RFC2: variants seen among roughly 807,000 people sequenced by gnomAD.
RFC2 encodes replication factor C subunit 2.
In RFC2, 34 loss-of-function variants were observed where a neutral mutation model predicts 44.8. That is an observed-to-expected ratio of 0.76 (90% confidence interval 0.58 to 1.01). The LOEUF (loss-of-function observed/expected upper bound fraction) is 1.01. Among genes scored for constraint, RFC2 ranks in the 50% least tolerant of loss-of-function variants. The probability of loss-of-function intolerance (pLI) is 0.00; values close to 1 mark genes in which losing one functional copy is unlikely to be tolerated. For synonymous variants in RFC2, 177 were observed against 168.9 expected, an observed-to-expected ratio of 1.05 and a Z score of -0.37; for missense variants, 400 against 453.6, an observed-to-expected ratio of 0.88 and a Z score of 1.07.
chr7:74,239,055 G>C (rs370067567), intron 7 of RFC2, 67 bp from the exon 8 acceptor site: 1 of 1,276,192 alleles, frequency 7.8e-7, no homozygotes, highest in South Asian at 1.2e-5. Flanking sequence ...AGAGACAGGA[G>C]TCTCGCTATG....
At chr7:74,235,715 A>G in intron 9 of RFC2, 70 bp from the exon 10 acceptor site, 2 of 1,065,694 alleles carry the variant, frequency 1.9e-6, no homozygotes, top group Admixed American at 3.4e-5. Flanking sequence ...TTTGAGACTC[A>G]CCACAGCTGG....
At chr7:74,245,148 G>T (rs1172863861) in intron 5 of RFC2, among the ~76,000 whole-genome samples, 1 of 151,172 alleles carries the variant, frequency 6.6e-6, no homozygotes, top group Non-Finnish European at 1.5e-5. Context: ...TCCTGCCTCA[G>T]CCTCCCAAGT....
chr7:74,250,934 G>A (rs782273475), intron 2 of RFC2, among the ~76,000 whole-genome samples: 3 of 151,906 alleles, frequency 2.0e-5, no homozygotes, highest in Admixed American at 6.6e-5. Context: ...GATTACAGAC[G>A]CCCACCACCA....
At chr7:74,248,908 G>C in intron 4 of RFC2, 104 bp downstream of exon 4, 1 of 774,170 alleles carries the variant, frequency 1.3e-6, no homozygotes, top group East Asian at 2.5e-5. Context: ...AAATCACATA[G>C]CTGGCAAGGC....
intron 10 of RFC2, chr7:74,233,817 T>C (rs1554717705): frequency 8.8e-6 from 4 of 456,408 alleles, no homozygotes; most frequent in African/African-American, 4.0e-5. Context: ...CTCCATGTGG[T>C]GGCTAGGTTG....
At chr7:74,235,677 C>T in intron 9 of RFC2, 32 bp from the exon 10 acceptor site, 1 of 1,406,016 alleles carries the variant, frequency 7.1e-7, no homozygotes, top group Non-Finnish European at 1.0e-6. Context: ...GGCTGCTTAC[C>T]ACTTTAAACT....
chr7:74,249,663 G>A (rs1267112028), intron 3 of RFC2, 76 bp downstream of exon 3: 2 of 1,236,304 alleles, frequency 1.6e-6, no homozygotes, highest in Admixed American at 3.4e-5. Flanking sequence ...AGGCAGCGCT[G>A]TGCACAAGAA....
chr7:74,253,634 T>G (rs993362884), intron 1 of RFC2: 1 of 153,508 alleles, frequency 6.5e-6, no homozygotes, highest in Non-Finnish European at 1.5e-5. Flanking sequence ...TGAGGCAGAA[T>G]TGATTGAACC....
rs1803244670 is a variant in RFC2 at position 74,240,091 on chromosome 7, G to A, written c.540C>T (p.Pro180=). 12 of 1,613,736 alleles carry A rather than the reference G, an allele frequency of 7.4e-6. No homozygotes were observed. The highest frequency in any genetic ancestry group is 1.0e-5 in the Non-Finnish European group (12 of 1,179,778). ...GGAGGACTGCACAGCGGGACTGAAT[G>A]GGCTCTGAACAGAGACGGGACAGTA... ...ACNASDKIIE[P]IQSRCAVLRY... is the part of the protein sequence containing the mutation. The change falls in exon 7 of 11, where the codon CCC becomes CCT. Residue 180 remains proline (P), a synonymous_variant. Transcript: ENST00000055077.
At chr7:74,239,073 G>A (rs1438380906) in intron 7 of RFC2, 85 bp from the exon 8 acceptor site, 6 of 1,117,654 alleles carry the variant, frequency 5.4e-6, no homozygotes, top group Non-Finnish European at 6.6e-6. Context: ...ATGTTGCCCA[G>A]GCTGGTCTCG....
intron 6 of RFC2, 123 bp from the exon 7 acceptor site, chr7:74,240,218 G>A: frequency 1.2e-6 from 1 of 838,098 alleles, no homozygotes; most frequent in Non-Finnish European, 1.8e-6. Context: ...TAGAGACTTG[G>A]TAGGCCGGAC....
At chr7:74,249,357 A>G in intron 3 of RFC2, 2 of 578,824 alleles carry the variant, frequency 3.5e-6, no homozygotes, top group South Asian at 2.0e-5. Flanking sequence ...ACTGGCCAAC[A>G]TGGCGAAACC....
chr7:74,252,879 C>T (rs1351532993), intron 1 of RFC2, among the ~76,000 whole-genome samples: 1 of 152,126 alleles, frequency 6.6e-6, no homozygotes, highest in Non-Finnish European at 1.5e-5. Flanking sequence ...TTGCAGTGAG[C>T]TGAGATCATG....
At chr7:74,249,301 G>A in intron 3 of RFC2, 183 bp from the exon 4 acceptor site, 2 of 1,142,626 alleles carry the variant, frequency 1.8e-6, no homozygotes, top group South Asian at 1.4e-5. Context: ...AGCACTTTGG[G>A]AGGCCAAGGC....
At position 74,240,047 on chromosome 7, in the gene RFC2, T is replaced by C; in HGVS notation, c.584A>G (p.Asp195Gly). The C allele has an allele frequency of 6.2e-7, 1 of 1,614,030 alleles. No homozygotes were observed. The highest frequency in any genetic ancestry group is 8.5e-7 in the Non-Finnish European group (1 of 1,179,970). Residue 195 changes from aspartate (D) to glycine (G), a missense_variant, in exon 7 of 11, where the codon GAC becomes GGC. By Grantham distance (94) the Asp-to-Gly change is moderately conservative (BLOSUM62 -1). Coordinates refer to ENST00000055077, the MANE Select transcript of RFC2 (RefSeq NM_181471.3). ...CAVLRYTKLTDAQILTRLMNV... is the reference protein window; with the variant it reads ...CAVLRYTKLTGAQILTRLMNV... ...CATCAGCCTGGTGAGGATCTGGGCG[T>C]CGGTCAGCTTTGTGTACCGGAGGAC...
rs1339040328 is a variant in RFC2 at position 74,238,276 on chromosome 7, T to C, written c.759+647A>G. Among the ~76,000 whole-genome samples the C allele has an allele frequency of 1.3e-5, 2 of 152,140 alleles. No homozygotes were observed. The highest frequency in any genetic ancestry group is 2.4e-5 in the African/African-American group (1 of 41,438). ...TATAGGCTGAAAGCTTGGACAGCCC[T>C]TCCCAGTTTCTTCCCCCAAATAAGG... On this transcript the variant is annotated intron_variant, in intron 8 of 10. Transcript: ENST00000055077. This position sits in a 1 kb window ranked among gnomAD's most constrained non-coding sequence, Gnocchi z 4.0.
At chr7:74,237,619 A>G (rs1421823775) in intron 8 of RFC2, among the ~76,000 whole-genome samples, 177 bp from the exon 9 acceptor site, 4 of 152,200 alleles carry the variant, frequency 2.6e-5, no homozygotes, top group African/African-American at 9.6e-5. Flanking sequence ...ATCAAAGAGA[A>G]GTGCTTCCGG....
chr7:74,239,116 G>T, intron 7 of RFC2, 128 bp from the exon 8 acceptor site: 2 of 667,698 alleles, frequency 3.0e-6, no homozygotes, highest in Non-Finnish European at 5.2e-6. Context: ...TCCCACCTCC[G>T]CCTCCCAAGT....
rs782571814 is a variant in RFC2 at position 74,246,738 on chromosome 7, T to C, written c.358A>G (p.Ile120Val). ...DRGIDVVRNKIKMFAQQKVTL... is the reference protein window; with the variant it reads ...DRGIDVVRNKVKMFAQQKVTL... Reference sequence around the variant, plus strand: ...ACTTTTTGTTGAGCAAACATTTTAATTTTATTCCTCACAACGTCAATGCCC... The same window carrying C: ...ACTTTTTGTTGAGCAAACATTTTAACTTTATTCCTCACAACGTCAATGCCC... The change falls in exon 5 of 11, where the codon ATT becomes GTT. Residue 120 changes from isoleucine (I) to valine (V), a missense_variant. By Grantham distance (29) the Ile-to-Val change is conservative. Transcript: ENST00000055077. The C allele has an allele frequency of 3.7e-6, 6 of 1,612,636 alleles. No homozygotes were observed. The East Asian group carries it at 1.1e-4, about 30-fold the overall frequency.
Sources: gnomAD v4.1 joint callset for allele counts (sites outside exome capture counted in the v4.1 genomes callset) on GRCh38, gnomAD v4.1.1 for gene constraint, Gnocchi (gnomAD v3.1) non-coding constraint, MANE v1.5 for transcripts, NCBI Gene and HGNC (gene_info 2026-07-23, HGNC 2026-07-21) for gene names.